CNRIP1: variants seen among roughly 807,000 people sequenced by gnomAD.
CNRIP1 encodes cannabinoid receptor interacting protein 1.
A neutral mutation model predicts 15.2 loss-of-function variants in CNRIP1; 10 were observed. That is an observed-to-expected ratio of 0.66 (90% CI 0.41 to 1.12). CNRIP1 has a LOEUF of 1.12. Ranked by LOEUF, CNRIP1 falls within the 50% of genes most tolerant of loss-of-function variation. CNRIP1 has a pLI of 0.00. For missense variants in CNRIP1, 211 were observed against 214.7 expected, an observed-to-expected ratio of 0.98 and a Z score of 0.11; for synonymous variants, 91 against 83.2, an observed-to-expected ratio of 1.09 and a Z score of -0.51.
chr2:68,311,988 G>C (rs1265782865), intron 2 of CNRIP1, among the ~76,000 whole-genome samples: 1 of 151,968 alleles, frequency 6.6e-6, no homozygotes, highest in African/African-American at 2.4e-5. Context: ...TAACGAAATT[G>C]AATTTGTAAT....
At chr2:68,288,077 C>CCAGCCAGG (rs1256290252), downstream of CNRIP1, among the ~76,000 whole-genome samples, 1 of 151,936 alleles carries the variant, frequency 6.6e-6, no homozygotes, top group Non-Finnish European at 1.5e-5. Flanking sequence ...GGCCAGCCAG[C>CCAGCCAGG]CAGCCAGCCA....
At chr2:68,307,318 G>A (rs11683119) in intron 2 of CNRIP1, among the ~76,000 whole-genome samples, 25,949 of 151,844 alleles carry the variant, frequency 0.17, 2,328 homozygotes, top group Middle Eastern at 0.27. Flanking sequence ...ACTACATATC[G>A]TTACAATTTT....
At chr2:68,294,092 C>T (rs904435859) in intron 2 of CNRIP1, 66 bp from the exon 3 acceptor site, 9 of 1,503,636 alleles carry the variant, frequency 6.0e-6, no homozygotes, top group Admixed American at 3.5e-5. Flanking sequence ...TGAGAGCTAA[C>T]ATTAGTGATG....
chr2:68,287,353 A>G (rs527304133), intron 2 of CNRIP1, among the ~76,000 whole-genome samples: 1 of 152,364 alleles, frequency 6.6e-6, no homozygotes, highest in East Asian at 1.9e-4. Context: ...CACCCCAAAA[A>G]AGCAGATTGA....
chr2:68,302,985 C>T (rs1397103982), intron 2 of CNRIP1, among the ~76,000 whole-genome samples: 3 of 151,484 alleles, frequency 2.0e-5, no homozygotes, highest in Non-Finnish European at 4.4e-5. Context: ...GTAGCTGGGA[C>T]TACAGGCGCC....
In CNRIP1 at chr2:68,306,124, CAAAAA is replaced by C. The variant is rs61586261; in HGVS notation, c.330+11028_330+11032del. On this transcript the variant is annotated intron_variant, in intron 2 of 2. Transcript: ENST00000263655. ...CTGGGCAGCAGAGACCCCACCTCTA[CAAAAA>C]AAAAAAAAAAAAAAAAAAAAAATTA... Among the ~76,000 whole-genome samples, 123 of 25,334 alleles carry C rather than the reference CAAAAA, an allele frequency of 4.9e-3. 1 individual carries two copies. The highest frequency in any genetic ancestry group is 0.014 in the African/African-American group (99 of 6,834). The allele number at this position is 25,334 out of a possible 152,430, so 16.6% of individuals were successfully genotyped here. A position where few individuals can be genotyped will look rare whatever the true frequency, so the allele number is the denominator to read the frequency against.
chr2:68,295,887 T>A lies in CNRIP1; in HGVS notation c.331-1861A>T, dbSNP rs77141268. The stretch of plus-strand genomic sequence containing the variant: ...GCTTAAGATGAGTCCATTTATTACA[T>A]GTAAACTATACCTCAAAGTTAAGAA... On this transcript the variant is annotated intron_variant, in intron 2 of 2. Coordinates refer to ENST00000263655, the MANE Select transcript of CNRIP1 (RefSeq NM_015463.3). Among the ~76,000 whole-genome samples, 1,135 of 152,328 alleles carry A rather than the reference T, an allele frequency of 7.5e-3. 21 individuals carry two copies. Among genetic ancestry groups the A allele is most frequent in the African/African-American group, 0.026 (1,095 of 41,570 alleles).
intron 2 of CNRIP1, among the ~76,000 whole-genome samples, chr2:68,300,095 T>C (rs1374585039): frequency 6.6e-6 from 1 of 152,252 alleles, no homozygotes; most frequent in African/African-American, 2.4e-5. Flanking sequence ...GAGGTTTTAT[T>C]AGTAAATGTT....
intron 2 of CNRIP1, among the ~76,000 whole-genome samples, chr2:68,310,966 G>C (rs1324688787): frequency 2.0e-5 from 3 of 151,950 alleles, no homozygotes; most frequent in Non-Finnish European, 1.5e-5. Flanking sequence ...TGAACTTAAG[G>C]ATACATCAGT....
At chr2:68,303,125 CG>C (rs1355988769) in intron 2 of CNRIP1, among the ~76,000 whole-genome samples, 1 of 152,110 alleles carries the variant, frequency 6.6e-6, no homozygotes, top group Non-Finnish European at 1.5e-5. Context: ...GGATTACAGG[CG>C]TGAGTCACCG....
At chr2:68,315,574 C>T (rs1348697144) in intron 2 of CNRIP1, among the ~76,000 whole-genome samples, 1 of 143,904 alleles carries the variant, frequency 6.9e-6, no homozygotes, top group East Asian at 2.0e-4. Context: ...AAATACAATA[C>T]CCATACAGAC....
intron 2 of CNRIP1, among the ~76,000 whole-genome samples, chr2:68,305,582 T>G (rs1283582108): frequency 1.4e-5 from 2 of 147,368 alleles, no homozygotes; most frequent in East Asian, 2.1e-4. Context: ...GTTCACGAGG[T>G]CAGGAGATTG....
chr2:68,289,125 T>C (rs1488893939), downstream of CNRIP1, among the ~76,000 whole-genome samples: 2 of 152,148 alleles, frequency 1.3e-5, no homozygotes, highest in Non-Finnish European at 2.9e-5. Flanking sequence ...TTAAAAGAAA[T>C]AACAAAAGAA....
At chr2:68,285,907 A>C (rs1396403605) in intron 2 of CNRIP1, among the ~76,000 whole-genome samples, 1 of 152,218 alleles carries the variant, frequency 6.6e-6, no homozygotes, top group Non-Finnish European at 1.5e-5. Flanking sequence ...TTAAGGCTTT[A>C]ATCTTATAAA....
chr2:68,312,240 A>T (rs373759428), intron 2 of CNRIP1, among the ~76,000 whole-genome samples: 15 of 152,322 alleles, frequency 9.8e-5, no homozygotes, highest in African/African-American at 2.9e-4. Context: ...AATATTAATG[A>T]ATCAAATCCA....
At chr2:68,298,718 T>G (rs1171684274) in intron 2 of CNRIP1, among the ~76,000 whole-genome samples, 2 of 152,254 alleles carry the variant, frequency 1.3e-5, no homozygotes, top group Non-Finnish European at 2.9e-5. Flanking sequence ...CTCTCCCCGA[T>G]GCCTTAGCTG....
intron 2 of CNRIP1, among the ~76,000 whole-genome samples, chr2:68,295,740 G>C (rs1671330632): frequency 6.6e-6 from 1 of 152,144 alleles, no homozygotes; most frequent in Non-Finnish European, 1.5e-5. Context: ...GGGTGAGAAG[G>C]GGAACTGATG....
At chr2:68,292,561 G>T (rs1023522820), downstream of CNRIP1, among the ~76,000 whole-genome samples, 5 of 152,198 alleles carry the variant, frequency 3.3e-5, no homozygotes, top group African/African-American at 1.2e-4. Flanking sequence ...TTGGAAAATA[G>T]CATGTTACTT....
chr2:68,284,503 C>G, intron 2 of CNRIP1: 1 of 1,522,624 alleles, frequency 6.6e-7, no homozygotes. Context: ...AAATAGATAC[C>G]AGAATAAGTT....
Sources: gnomAD v4.1 joint callset for allele counts (sites outside exome capture counted in the v4.1 genomes callset) on GRCh38, gnomAD v4.1.1 for gene constraint, MANE v1.5 for transcripts, NCBI Gene and HGNC (gene_info 2026-07-23, HGNC 2026-07-21) for gene names.